Variants in PXDNL observed in about 807,000 individuals in gnomAD.
PXDNL encodes the protein probable oxidoreductase PXDNL.
In PXDNL, 145 loss-of-function variants were observed where a neutral mutation model predicts 150.8. That is an observed-to-expected ratio of 0.96 (90% CI 0.84 to 1.10). PXDNL has a LOEUF of 1.10. PXDNL is among the 50% of genes least tolerant of loss of function. PXDNL has a pLI of 0.00. For synonymous variants in PXDNL, 757 were observed against 725.7 expected, an observed-to-expected ratio of 1.04 and a Z score of -0.69; for missense variants, 2,087 against 1,873.9, an observed-to-expected ratio of 1.11 and a Z score of -2.10.
chr8:51,444,581 G>A (rs1286224445), intron 12 of PXDNL, among the ~76,000 whole-genome samples: 1 of 152,152 alleles, frequency 6.6e-6, no homozygotes, highest in Non-Finnish European at 1.5e-5. Flanking sequence ...GAATAAGACT[G>A]TCATAGCACA....
intron 2 of PXDNL, among the ~76,000 whole-genome samples, chr8:51,632,253 A>G (rs1439097170): frequency 6.6e-6 from 1 of 152,180 alleles, no homozygotes; most frequent in Non-Finnish European, 1.5e-5. Context: ...AAATAACAAT[A>G]TAGAGGACTT....
intron 19 of PXDNL, among the ~76,000 whole-genome samples, chr8:51,364,230 G>C (rs1563375403): frequency 6.6e-6 from 1 of 152,312 alleles, no homozygotes; most frequent in East Asian, 1.9e-4. Flanking sequence ...AGAACCTGAA[G>C]ACTGAATTTT....
chr8:51,691,179 T>G (rs1051564734), intron 1 of PXDNL, among the ~76,000 whole-genome samples: 1 of 152,180 alleles, frequency 6.6e-6, no homozygotes, highest in Non-Finnish European at 1.5e-5. Flanking sequence ...TTTAATTAGA[T>G]CCCATTTGTC....
intron 2 of PXDNL, among the ~76,000 whole-genome samples, chr8:51,646,053 G>A (rs1365554435): frequency 7.8e-6 from 1 of 127,830 alleles, no homozygotes; most frequent in Non-Finnish European, 1.7e-5. Context: ...TGTGTTATGG[G>A]ATGAACTGTG....
Position 51,483,681 on chromosome 8 carries a change from T to C in PXDNL, c.486A>G (p.Pro162=), listed in dbSNP as rs7837348. Residue 162 remains proline, a synonymous_variant, in exon 6 of 23, where the codon CCA becomes CCG. Transcript: ENST00000356297. The part of the protein sequence containing the change: ...FLHNNKLSKI[P]AGSFSNLDSL... ...AATCCAGATTAGAAAAGCTCCCAGCTGGAATTTTAGATAATTTGTTGTTAT... is the reference window on the plus strand; with the variant it reads ...AATCCAGATTAGAAAAGCTCCCAGCCGGAATTTTAGATAATTTGTTGTTAT... 258,582 of 1,510,642 alleles carry C rather than the reference T, an allele frequency of 0.17. 25,352 individuals are homozygous for C. Among genetic ancestry groups the C allele is most frequent in the African/African-American group, 0.4 (28,397 of 71,366 alleles). 93.6% of individuals were successfully genotyped at this position (1,510,642 alleles called of 1,614,324 possible).
intron 3 of PXDNL, among the ~76,000 whole-genome samples, chr8:51,560,001 A>G (rs9298453): frequency 0.28 from 42,324 of 151,714 alleles, 7,436 homozygotes; most frequent in African/African-American, 0.49. Context: ...ACCTAGAAAT[A>G]GAAATTTTGA....
chr8:51,543,528 T>C lies in PXDNL; in HGVS notation c.380+13312A>G, dbSNP rs191377104. 6.1e-3 allele frequency among the ~76,000 whole-genome samples: 920 copies of C among 151,938 alleles called. 4 individuals carry two copies. Among genetic ancestry groups the C allele is most frequent in the Middle Eastern group, 0.02 (6 of 294 alleles). The stretch of plus-strand genomic sequence containing the variant: ...GAGATTGAGACAATCCTGGCTAACA[T>C]GGTGAAACCCCTTCTCTACTAAAAA... On this transcript the variant is annotated intron_variant, in intron 4 of 22. Coordinates refer to ENST00000356297, the MANE Select transcript of PXDNL (RefSeq NM_144651.5).
intron 17 of PXDNL, among the ~76,000 whole-genome samples, chr8:51,407,331 T>C (rs1382132551): frequency 1.3e-5 from 2 of 152,276 alleles, no homozygotes; most frequent in Admixed American, 1.3e-4. Flanking sequence ...ATAGAACTTA[T>C]AATTTTAAAC....
rs866528526 is a variant in PXDNL, at chr8:51,488,503, G to C, written c.453-4789C>G. Reference sequence around the variant, plus strand: ...TATTGACATACTGATAGATGAGACAGACATAGAAATAGAGATTTTTTCCAA... The same window carrying C: ...TATTGACATACTGATAGATGAGACACACATAGAAATAGAGATTTTTTCCAA... On this transcript the variant is annotated intron_variant, in intron 5 of 22. Coordinates refer to ENST00000356297, the MANE Select transcript of PXDNL (RefSeq NM_144651.5). Among the ~76,000 whole-genome samples, 5 of 152,206 alleles carry C rather than the reference G, an allele frequency of 3.3e-5. No homozygotes were observed. The South Asian group carries it at 1.0e-3, about 31-fold the overall frequency.
At chr8:51,647,609 G>A (rs866438189) in intron 2 of PXDNL, among the ~76,000 whole-genome samples, 6 of 152,302 alleles carry the variant, frequency 3.9e-5, no homozygotes, top group Middle Eastern at 3.4e-3. Context: ...TATATGAGGG[G>A]CAGTATTATG....
At chr8:51,609,946 C>T (rs1311002824) in intron 2 of PXDNL, among the ~76,000 whole-genome samples, 1 of 152,158 alleles carries the variant, frequency 6.6e-6, no homozygotes, top group Non-Finnish European at 1.5e-5. Context: ...TTGCAAAGCC[C>T]CGTTTTTCAC....
chr8:51,464,905 C>T (rs1810169726), intron 8 of PXDNL, among the ~76,000 whole-genome samples: 1 of 152,078 alleles, frequency 6.6e-6, no homozygotes, highest in African/African-American at 2.4e-5. Flanking sequence ...GAAATTGAAT[C>T]TGTAATAAAA....
intron 12 of PXDNL, among the ~76,000 whole-genome samples, chr8:51,429,486 C>T (rs1809197884): frequency 6.6e-6 from 1 of 152,052 alleles, no homozygotes; most frequent in Non-Finnish European, 1.5e-5. Flanking sequence ...GAGGCTGAGG[C>T]AGGAGAATTG....
At chr8:51,623,203 A>G (rs1244063901) in intron 2 of PXDNL, among the ~76,000 whole-genome samples, 1 of 152,152 alleles carries the variant, frequency 6.6e-6, no homozygotes, top group Non-Finnish European at 1.5e-5. Context: ...CTGCTGGAGA[A>G]AGCGATTCCC....
At chr8:51,805,169 T>C (rs1164575404) in intron 1 of PXDNL, among the ~76,000 whole-genome samples, 6 of 151,762 alleles carry the variant, frequency 4.0e-5, no homozygotes, top group East Asian at 1.9e-4. Flanking sequence ...CAATGCCAGG[T>C]GGGGGAAGGT....
At chr8:51,541,790 C>T (rs1812222058) in intron 4 of PXDNL, among the ~76,000 whole-genome samples, 1 of 152,302 alleles carries the variant, frequency 6.6e-6, no homozygotes, top group African/African-American at 2.4e-5. Context: ...CCAGAGAAAA[C>T]TCACAGAGAT....
At chr8:51,320,076 A>G (rs1262003124) in intron 22 of PXDNL, 54 bp from the exon 23 acceptor site, 1 of 1,289,476 alleles carries the variant, frequency 7.8e-7, no homozygotes, top group Non-Finnish European at 1.0e-6. Context: ...CAAAGTACTT[A>G]AAAGACAAAT....
At chr8:51,391,586 G>GTTGT (rs527808985) in intron 17 of PXDNL, among the ~76,000 whole-genome samples, 1 of 152,116 alleles carries the variant, frequency 6.6e-6, no homozygotes, top group Non-Finnish European at 1.5e-5. Context: ...TTTTGATGGG[G>GTTGT]TTGTTTGTTT....
intron 1 of PXDNL, among the ~76,000 whole-genome samples, chr8:51,672,900 A>G (rs552427818): frequency 7.2e-5 from 11 of 152,248 alleles, no homozygotes; most frequent in African/African-American, 2.6e-4. Context: ...AAGAAAATAT[A>G]TTCCTGATTT....
Sources: allele counts gnomAD v4.1 joint callset (sites outside exome capture counted in the v4.1 genomes callset), GRCh38; gene constraint gnomAD v4.1.1; transcripts MANE v1.5; gene names NCBI Gene and HGNC (gene_info 2026-07-23, HGNC 2026-07-21).